The following BRSK2 variants were observed in gnomAD, a reference collection of about 807,000 sequenced individuals.
BRSK2 encodes serine/threonine-protein kinase BRSK2.
Under a neutral mutation model 83.3 loss-of-function variants are expected in BRSK2, and 19 were observed. The ratio of observed to expected loss-of-function variants is 0.23; its 90% confidence interval spans 0.16 to 0.33. The LOEUF (loss-of-function observed/expected upper bound fraction) is 0.33. Among genes scored for constraint, BRSK2 ranks in the 10% least tolerant of loss-of-function variants. The pLI is 1.00. For synonymous variants in BRSK2, 519 were observed against 435.4 expected (o/e 1.19, Z -2.39); for missense variants, 798 against 1,042.3 (o/e 0.77, Z 3.23).
Position 1,423,085 on chromosome 11 carries a change from A to G in BRSK2, c.92-12955A>G, listed in dbSNP as rs1039133369. Among the ~76,000 whole-genome samples the G allele has an allele frequency of 3.3e-5, 5 of 152,196 alleles. No individual in the cohort carries two copies. Among genetic ancestry groups the G allele is most frequent in the Admixed American group, 2.6e-4 (4 of 15,290 alleles). The stretch of plus-strand genomic sequence containing the variant: ...ACAGCAGCCCGGAGGGTTAATGTCC[A>G]GGTACCTCCAGGCCCCATGCACCCA... On this transcript the variant is annotated intron_variant, in intron 1 of 19. Transcript: ENST00000528841. This position sits in a 1 kb window ranked among gnomAD's most constrained non-coding sequence, Gnocchi z 6.5.
intron 4 of BRSK2, 141 bp from the exon 5 acceptor site, chr11:1,442,349 A>G (rs1851457184): frequency 1.6e-6 from 1 of 627,824 alleles, no homozygotes; most frequent in East Asian, 3.0e-5. Flanking sequence ...TGCCTATGAC[A>G]TCACCAGGCT....
At chr11:1,455,941 G>A (rs563138321) in intron 16 of BRSK2, among the ~76,000 whole-genome samples, 171 of 152,008 alleles carry the variant, frequency 1.1e-3, no homozygotes, top group African/African-American at 3.5e-3. Flanking sequence ...CCCCAGCCCC[G>A]CCCTTGCACC....
rs71025731 is a variant in BRSK2 at position 1,454,190 on chromosome 11, G to GGGGGCTCACCTGTGC, written c.1545-295_1545-294insGGGGCTCACCTGTGC. Reference sequence around the variant, plus strand: ...CTCACCTGTGGGGGGCTCACCTGTGGAGGGGCATCCCCAGACTTGGGAGTG... The same window carrying GGGGGCTCACCTGTGC: ...CTCACCTGTGGGGGGCTCACCTGTGGGGGGCTCACCTGTGCAGGGGCATCCCCAGACTTGGGAGTG... On this transcript the variant is annotated intron_variant, in intron 15 of 19. Transcript: ENST00000528841. The surrounding 1 kb of genome is among the most constrained non-coding windows in gnomAD (Gnocchi z 5.2). 9.1e-5 allele frequency: 27 copies of GGGGGCTCACCTGTGC among 297,636 alleles called. No homozygotes were observed. The highest frequency in any genetic ancestry group is 1.5e-4 in the Non-Finnish European group (23 of 153,746). 18.4% of individuals were successfully genotyped at this position (297,636 alleles called of 1,614,324 possible). A position where few individuals can be genotyped will look rare whatever the true frequency, so the allele number is the denominator to read the frequency against.
At chr11:1,458,548 C>T (rs1028558903) in intron 18 of BRSK2, among the ~76,000 whole-genome samples, 3 of 152,194 alleles carry the variant, frequency 2.0e-5, no homozygotes, top group Non-Finnish European at 1.5e-5. Context: ...CCTCCTCAGA[C>T]ACTGCCCACC....
intron 18 of BRSK2, chr11:1,456,938 C>G: frequency 6.3e-7 from 1 of 1,596,610 alleles, no homozygotes; most frequent in South Asian, 1.1e-5. Flanking sequence ...CTGAAAGGCG[C>G]CTCTTGTCCA....
At chr11:1,444,829 C>T in intron 8 of BRSK2, 142 bp from the exon 9 acceptor site, 1 of 741,044 alleles carries the variant, frequency 1.3e-6, no homozygotes, top group East Asian at 2.5e-5. Flanking sequence ...CTATCTTCCT[C>T]CCCACCTTCC....
chr11:1,461,066 T>TGCTGCC lies in BRSK2; in HGVS notation c.*345_*350dup. On this transcript the variant is annotated 3_prime_UTR_variant, in exon 20 of 20. Transcript: ENST00000528841. The stretch of plus-strand genomic sequence containing the variant: ...CCCGCCCTCCCTCCGCTCCTGCTGT[T>TGCTGCC]GCTGCCGGGCAGTGAGGCCCAGCCC... 5 of 1,594,890 alleles carry TGCTGCC rather than the reference T, an allele frequency of 3.1e-6. No homozygotes were observed. Among genetic ancestry groups the TGCTGCC allele is most frequent in the Non-Finnish European group, 4.3e-6 (5 of 1,168,794 alleles).
Position 1,425,474 on chromosome 11 carries a change from C to T in BRSK2, c.92-10566C>T, listed in dbSNP as rs115390804. Among the ~76,000 whole-genome samples, 1,332 of 152,316 alleles carry T rather than the reference C, an allele frequency of 8.7e-3. 20 individuals carry two copies. Among genetic ancestry groups the T allele is most frequent in the African/African-American group, 0.03 (1,241 of 41,570 alleles). ...TGGTCCCAGAGGTGCGGGTTGGTGA[C>T]AGCGACGGGGCAGGTTGTCACCTGT... On this transcript the variant is annotated intron_variant, in intron 1 of 19. Coordinates refer to ENST00000528841, the MANE Select transcript of BRSK2 (RefSeq NM_001256627.2).
chr11:1,410,821 G>C lies in BRSK2; in HGVS notation c.91+20446G>C, dbSNP rs943379583. On this transcript the variant is annotated intron_variant, in intron 1 of 19. Coordinates refer to ENST00000528841, the MANE Select transcript of BRSK2 (RefSeq NM_001256627.2). ...CCCCCGCCACCCGGCAGGCACAGCAGGGCACCACCGAGACCACTGTGGCCT... is the reference window on the plus strand; with the variant it reads ...CCCCCGCCACCCGGCAGGCACAGCACGGCACCACCGAGACCACTGTGGCCT... The C allele has an allele frequency of 1.4e-5, 14 of 983,302 alleles. No homozygotes were observed. The East Asian group carries it at 1.0e-3, about 73-fold the overall frequency. The allele number at this position is 983,302 out of a possible 1,614,324, so 60.9% of individuals were successfully genotyped here. A position where few individuals can be genotyped will look rare whatever the true frequency, so the allele number is the denominator to read the frequency against.
At position 1,451,374 on chromosome 11, in the gene BRSK2, C is replaced by T. The variant is rs760767620; in HGVS notation, c.1499C>T (p.Pro500Leu). The T allele has an allele frequency of 1.8e-5, 29 of 1,612,850 alleles. No homozygotes were observed. The highest frequency in any genetic ancestry group is 5.0e-5 in the Admixed American group (3 of 60,006). ...CCTGTTCATCCTGTGTGCACAGTTC[C>T]GACGCCGGAGGAGATGTCCAACCTG... Reference protein sequence around the residue: ...PRFHRRKLQVPTPEEMSNLTP... With the variant: ...PRFHRRKLQVLTPEEMSNLTP... Residue 500 changes from proline to leucine, a missense_variant, in exon 15 of 20, where the codon CCG (proline) becomes CTG (leucine). By Grantham distance (98) the Pro-to-Leu change is moderately conservative. Coordinates refer to ENST00000528841, the MANE Select transcript of BRSK2 (RefSeq NM_001256627.2).
rs753912395 is a variant in BRSK2, at chr11:1,454,660, G to A, written c.1668+52G>A. The A allele has an allele frequency of 1.2e-6, 2 of 1,601,142 alleles. No individual in the cohort carries two copies. Among genetic ancestry groups the A allele is most frequent in the Middle Eastern group, 2.0e-4 (1 of 5,070 alleles). On this transcript the variant is annotated intron_variant, in intron 16 of 19. Transcript: ENST00000528841. This position sits in a 1 kb window ranked among gnomAD's most constrained non-coding sequence, Gnocchi z 5.2. ...CGGGCAGCCCTCCCAACCCCACACG[G>A]CCCAGCCCCGAGAATCCAGCCTCCT...
chr11:1,392,175 G>T (rs753690175), intron 1 of BRSK2, among the ~76,000 whole-genome samples: 26 of 152,230 alleles, frequency 1.7e-4, no homozygotes, highest in Non-Finnish European at 3.8e-4. Context: ...ATGGGGCCTG[G>T]AGTGTGTGTG....
Position 1,460,630 on chromosome 11 carries a change from C to T in BRSK2, c.2118C>T (p.Ala706=), listed in dbSNP as rs1464999633. 4.6e-6 allele frequency: 7 copies of T among 1,530,400 alleles called. No homozygotes were observed. Among genetic ancestry groups the T allele is most frequent in the Admixed American group, 2.0e-5 (1 of 50,766 alleles). 94.8% of individuals were successfully genotyped at this position (1,530,400 alleles called of 1,614,324 possible). Residue 706 remains alanine (A), a synonymous_variant, in exon 20 of 20, where the codon GCC becomes GCT. Transcript: ENST00000528841. ...ACGGCCCACTCGGTGACTCCGCGGCCGCTGGCCCTGGCCCCGGAGGGGACG... is the reference window on the plus strand; with the variant it reads ...ACGGCCCACTCGGTGACTCCGCGGCTGCTGGCCCTGGCCCCGGAGGGGACG... ...SAHGPLGDSA[A]AGPGPGGDAE...
chr11:1,460,836 TCA>T lies in BRSK2; in HGVS notation c.*114_*115del. 6.5e-7 allele frequency: 1 copy of T among 1,534,628 alleles called. No homozygotes were observed. Among genetic ancestry groups the T allele is most frequent in the Non-Finnish European group, 8.7e-7 (1 of 1,143,852 alleles). On this transcript the variant is annotated 3_prime_UTR_variant, in exon 20 of 20. Transcript: ENST00000528841. ...CGCCGCCCGTCCGTCCAGACTGTTC[TCA>T]GAGCCTGGGAGGAAAGGAAAGGGGC... is the stretch of plus-strand genomic sequence containing the variant.
chr11:1,456,950 C>T (rs536614515), intron 18 of BRSK2: 457 of 1,597,222 alleles, frequency 2.9e-4, no homozygotes, highest in East Asian at 3.6e-4. Context: ...TCTTGTCCAC[C>T]GTAGAACCCC....
chr11:1,436,138 G>T lies in BRSK2; in HGVS notation c.186+4G>T. On this transcript the variant is annotated splice_donor_region_variant and intron_variant, in intron 2 of 19. Coordinates refer to ENST00000528841, the MANE Select transcript of BRSK2 (RefSeq NM_001256627.2). The stretch of plus-strand genomic sequence containing the variant: ...CAGCGAGTCGGTGCTGATGAAGGTG[G>T]GTGGGGCCGGGGAGGGAGGCGGGGC... 1.4e-6 allele frequency: 2 copies of T among 1,404,562 alleles called. No individual in the cohort carries two copies. The highest frequency in any genetic ancestry group is 1.9e-6 in the Non-Finnish European group (2 of 1,039,452). 87.0% of individuals were successfully genotyped at this position (1,404,562 alleles called of 1,614,324 possible).
Position 1,456,339 on chromosome 11 carries a change from T to C in BRSK2, c.1669-9T>C. 6.4e-7 allele frequency: 1 copy of C among 1,551,322 alleles called. No individual in the cohort carries two copies. The highest frequency in any genetic ancestry group is 8.7e-7 in the Non-Finnish European group (1 of 1,148,194). On this transcript the variant is annotated splice_polypyrimidine_tract_variant and intron_variant, in intron 16 of 19. Transcript: ENST00000528841. The stretch of plus-strand genomic sequence containing the variant: ...GGCCAGCCACGCTCACGCTGCTCTC[T>C]CTCCACAGATTCCCAGTCTCAGCCA...
rs1850718087 is a variant in BRSK2 at position 1,438,844 on chromosome 11, T to C, written c.272+453T>C. ...CCAGGATCCCGCCCTGGCTGGACCGTGGCTGAGTGTGGCTGAAAGTGTCAC... is the reference window on the plus strand; with the variant it reads ...CCAGGATCCCGCCCTGGCTGGACCGCGGCTGAGTGTGGCTGAAAGTGTCAC... On this transcript the variant is annotated intron_variant, in intron 3 of 19. Transcript: ENST00000528841. The surrounding 1 kb of genome is among the most constrained non-coding windows in gnomAD (Gnocchi z 6.4). Among the ~76,000 whole-genome samples, 1 of 152,166 alleles carries C rather than the reference T, an allele frequency of 6.6e-6. No homozygotes were observed. Among genetic ancestry groups the C allele is most frequent in the South Asian group, 2.1e-4 (1 of 4,832 alleles).
intron 1 of BRSK2, among the ~76,000 whole-genome samples, chr11:1,425,095 G>A (rs1344048145): frequency 6.6e-6 from 1 of 152,246 alleles, no homozygotes; most frequent in African/African-American, 2.4e-5. Context: ...GCTGCCCCGA[G>A]GCCCGTGATG....
Sources: allele counts gnomAD v4.1 joint callset (sites outside exome capture counted in the v4.1 genomes callset), GRCh38; gene constraint gnomAD v4.1.1; non-coding constraint Gnocchi (gnomAD v3.1); transcripts MANE v1.5; gene names NCBI Gene and HGNC (gene_info 2026-07-23, HGNC 2026-07-21).